Variants in KCNJ6 observed in about 807,000 individuals in gnomAD.
KCNJ6 encodes the protein potassium inwardly rectifying channel subfamily J member 6, also known as G protein-activated inward rectifier potassium channel 2.
A neutral mutation model predicts 34.2 loss-of-function variants in KCNJ6; 9 were observed. That is an observed-to-expected ratio of 0.26 (90% confidence interval 0.16 to 0.46). The LOEUF is 0.46. KCNJ6 is among the 20% of genes least tolerant of loss of function. The probability of loss-of-function intolerance (pLI) is 1.00; values close to 1 mark genes in which losing one functional copy is unlikely to be tolerated. For missense variants in KCNJ6, 236 were observed against 531.3 expected (o/e 0.44, Z 5.46); for synonymous variants, 196 against 207.1 (o/e 0.95, Z 0.46).
intron 3 of KCNJ6, among the ~76,000 whole-genome samples, chr21:37,688,340 G>C (rs1356480943): frequency 6.6e-6 from 1 of 151,308 alleles, no homozygotes; most frequent in Non-Finnish European, 1.5e-5. Context: ...AACCTCTTGA[G>C]TACTAGAGAT....
intron 1 of KCNJ6, among the ~76,000 whole-genome samples, chr21:37,878,898 A>G (rs2123620806): frequency 6.6e-6 from 1 of 152,330 alleles, no homozygotes; most frequent in East Asian, 1.9e-4. Context: ...TGTTCCTGAT[A>G]GACCAACACC....
intron 3 of KCNJ6, among the ~76,000 whole-genome samples, chr21:37,652,941 GAA>G (rs2054440517): frequency 6.6e-6 from 1 of 152,182 alleles, no homozygotes; most frequent in Admixed American, 6.5e-5. Flanking sequence ...GAGAAAGTTT[GAA>G]ATGCTCTTTG....
At chr21:37,647,604 C>T (rs568191769) in intron 3 of KCNJ6, among the ~76,000 whole-genome samples, 4 of 152,268 alleles carry the variant, frequency 2.6e-5, no homozygotes, top group African/African-American at 9.6e-5. Context: ...CTTAATCCCC[C>T]CCAGAGTTAG....
chr21:37,649,920 A>ATTTTTTTTTTTTTTTTTTTTTT (rs10597774), intron 3 of KCNJ6, among the ~76,000 whole-genome samples: 1 of 143,916 alleles, frequency 6.9e-6, no homozygotes, highest in African/African-American at 2.6e-5. Flanking sequence ...CACCCAGCTA[A>ATTTTTTTTTTTTTTTTTTTTTT]TTTTTTTTTT....
At chr21:37,790,166 G>A (rs2055210502) in intron 2 of KCNJ6, among the ~76,000 whole-genome samples, 1 of 152,212 alleles carries the variant, frequency 6.6e-6, no homozygotes, top group African/African-American at 2.4e-5. Context: ...AGACTCTGTT[G>A]CATTTGAAGT....
intron 3 of KCNJ6, among the ~76,000 whole-genome samples, chr21:37,664,047 T>A (rs1709817): frequency 0.58 from 87,874 of 152,036 alleles, 25,662 homozygotes; most frequent in East Asian, 0.85. Flanking sequence ...AATTAAGAAG[T>A]CAGTAGCAAA....
chr21:37,721,844 G>C (rs2054828086), intron 2 of KCNJ6, among the ~76,000 whole-genome samples: 1 of 152,182 alleles, frequency 6.6e-6, no homozygotes, highest in Non-Finnish European at 1.5e-5. Flanking sequence ...TGTAGAGCAG[G>C]ATGGGTTAGC....
rs1346581748 is a variant in KCNJ6 at position 37,611,677 on chromosome 21, G to A, written c.*13482C>T. ...GAATTTGTCCTAGGTATATAAGGCT[G>A]GTTCAACATTCAAAGATCAACTAAT... is the stretch of plus-strand genomic sequence containing the variant. On this transcript the variant is annotated 3_prime_UTR_variant, in exon 4 of 4. Coordinates refer to ENST00000609713, the MANE Select transcript of KCNJ6 (RefSeq NM_002240.5). 1.3e-5 allele frequency: 2 copies of A among 152,090 alleles called. No individual in the cohort carries two copies. Among genetic ancestry groups the A allele is most frequent in the Admixed American group, 1.3e-4 (2 of 15,272 alleles). The allele number at this position is 152,090 out of a possible 1,614,324, so 9.4% of individuals were successfully genotyped here.
At chr21:37,876,889 C>A (rs998617094) in intron 1 of KCNJ6, among the ~76,000 whole-genome samples, 2 of 152,144 alleles carry the variant, frequency 1.3e-5, no homozygotes, top group Non-Finnish European at 2.9e-5. Context: ...TTGCTTCAAC[C>A]ACCCAAAAAA....
chr21:37,916,231 G>C lies in KCNJ6; in HGVS notation c.-375C>G, dbSNP rs910881788. The stretch of plus-strand genomic sequence containing the variant: ...TGGGCGCTGGGGCCAAGGGAGGGGC[G>C]GAGGGGCGCGCGTTTGGGCAGGGAC... On this transcript the variant is annotated 5_prime_UTR_variant, in exon 1 of 4. Coordinates refer to ENST00000609713, the MANE Select transcript of KCNJ6 (RefSeq NM_002240.5). The C allele has an allele frequency of 6.6e-6, 1 of 152,144 alleles. No individual in the cohort carries two copies. 9.4% of individuals were successfully genotyped at this position (152,144 alleles called of 1,614,324 possible).
intron 1 of KCNJ6, among the ~76,000 whole-genome samples, chr21:37,879,221 C>T (rs2055694257): frequency 2.0e-5 from 3 of 152,036 alleles, no homozygotes; most frequent in African/African-American, 7.2e-5. Flanking sequence ...AGGGCCATGG[C>T]AGGTTTATGA....
intron 3 of KCNJ6, among the ~76,000 whole-genome samples, chr21:37,626,114 A>G (rs1263057203): frequency 6.9e-6 from 1 of 145,410 alleles, no homozygotes; most frequent in East Asian, 2.1e-4. Flanking sequence ...AACTACTTTA[A>G]AAGCTTTTCC....
intron 3 of KCNJ6, among the ~76,000 whole-genome samples, chr21:37,669,711 A>G (rs1176754819): frequency 6.7e-5 from 4 of 59,610 alleles, no homozygotes; most frequent in Non-Finnish European, 1.2e-4. Flanking sequence ...GGAAATATGC[A>G]GAGACTCTGA....
At chr21:37,883,642 C>T (rs1280821932) in intron 1 of KCNJ6, among the ~76,000 whole-genome samples, 2 of 152,170 alleles carry the variant, frequency 1.3e-5, no homozygotes, top group African/African-American at 4.8e-5. Context: ...CCCAAAGTCC[C>T]GGGCTTCAGA....
intron 3 of KCNJ6, among the ~76,000 whole-genome samples, chr21:37,690,145 A>G (rs1007996564): frequency 2.0e-5 from 3 of 152,142 alleles, no homozygotes; most frequent in Non-Finnish European, 4.4e-5. Context: ...CAAAATATCT[A>G]TATATTTGAT....
intron 2 of KCNJ6, among the ~76,000 whole-genome samples, chr21:37,761,680 T>C (rs1187543123): frequency 6.6e-6 from 1 of 151,434 alleles, no homozygotes; most frequent in East Asian, 1.9e-4. Context: ...TTTGTGTGTA[T>C]ATTTGCGTGT....
intron 3 of KCNJ6, among the ~76,000 whole-genome samples, chr21:37,639,202 T>G (rs546749044): frequency 6.6e-6 from 1 of 152,208 alleles, no homozygotes; most frequent in Non-Finnish European, 1.5e-5. Context: ...TTTTACTCTA[T>G]AAAACCCACC....
At chr21:37,657,927 G>C (rs2054471545) in intron 3 of KCNJ6, among the ~76,000 whole-genome samples, 1 of 152,258 alleles carries the variant, frequency 6.6e-6, no homozygotes, top group South Asian at 2.1e-4. Flanking sequence ...AGAGTGGTGA[G>C]TCGGGATTTG....
chr21:37,678,684 G>A (rs777548170), intron 3 of KCNJ6, among the ~76,000 whole-genome samples: 3 of 152,122 alleles, frequency 2.0e-5, no homozygotes, highest in Non-Finnish European at 4.4e-5. Flanking sequence ...GAATGGACAG[G>A]TAGATGAATG....
Sources: gnomAD v4.1 joint callset for allele counts (sites outside exome capture counted in the v4.1 genomes callset) on GRCh38, gnomAD v4.1.1 for gene constraint, MANE v1.5 for transcripts, NCBI Gene and HGNC (gene_info 2026-07-23, HGNC 2026-07-21) for gene names.